The following ANK3 variants were observed in gnomAD, a reference collection of about 807,000 sequenced individuals.
ANK3 encodes the protein ankyrin 3, also known as ankyrin-3.
A neutral mutation model predicts 370.9 loss-of-function variants in ANK3; 57 were observed. That is an observed-to-expected ratio of 0.15 (90% CI 0.12 to 0.19). The LOEUF is 0.19. ANK3 is among the 10% of genes least tolerant of loss of function. ANK3 has a pLI of 1.00. For synonymous variants in ANK3, 1,929 were observed against 1,946.3 expected (o/e 0.99, Z 0.23); for missense variants, 4,439 against 5,302.1 (o/e 0.84, Z 5.06).
chr10:60,251,759 T>C (rs2097669812), intron 7 of ANK3, among the ~76,000 whole-genome samples: 1 of 152,158 alleles, frequency 6.6e-6, no homozygotes, highest in Admixed American at 6.5e-5. Flanking sequence ...CCTTCATATG[T>C]GTCATAATTC....
intron 11 of ANK3, among the ~76,000 whole-genome samples, chr10:60,205,336 TG>T (rs1377756410): frequency 6.6e-6 from 1 of 152,172 alleles, no homozygotes; most frequent in Non-Finnish European, 1.5e-5. Flanking sequence ...GACGACTTTT[TG>T]TTGCGGGAGA....
At chr10:60,492,816 C>T (rs535294607) in intron 2 of ANK3, among the ~76,000 whole-genome samples, 3 of 151,032 alleles carry the variant, frequency 2.0e-5, no homozygotes, top group East Asian at 3.9e-4. Context: ...GTGGCTCACA[C>T]CTGTAATCCC....
chr10:60,329,031 A>G (rs1488895324), intron 1 of ANK3, among the ~76,000 whole-genome samples: 1 of 152,160 alleles, frequency 6.6e-6, no homozygotes. Context: ...AATGACAAAA[A>G]CCACATGATT....
chr10:60,592,861 T>C (rs2077936275), intron 2 of ANK3, among the ~76,000 whole-genome samples: 1 of 152,232 alleles, frequency 6.6e-6, no homozygotes, highest in Admixed American at 6.5e-5. Context: ...TCTGGTAGGC[T>C]CTTTGAGCTG....
At position 60,197,811 on chromosome 10, in the gene ANK3, G is replaced by A. The variant is rs142809179; in HGVS notation, c.1689+529C>T. Among the ~76,000 whole-genome samples, 312 of 152,280 alleles carry A rather than the reference G, an allele frequency of 2.0e-3. 5 individuals are homozygous for A. The highest frequency in any genetic ancestry group is 0.017 in the South Asian group (80 of 4,824). On this transcript the variant is annotated intron_variant, in intron 14 of 43. Transcript: ENST00000280772. ...GCTCCAAATTTTGCATTCTGCACATGCAGAACAACTGTTTATGTTAGGGTA... is the reference window on the plus strand; with the variant it reads ...GCTCCAAATTTTGCATTCTGCACATACAGAACAACTGTTTATGTTAGGGTA...
intron 1 of ANK3, among the ~76,000 whole-genome samples, chr10:60,378,582 A>G (rs981685434): frequency 1.3e-5 from 2 of 152,178 alleles, no homozygotes; most frequent in African/African-American, 4.8e-5. Flanking sequence ...GGTGCAAAGA[A>G]CGCTCATTGG....
At chr10:60,128,495 T>G (rs1220835994) in intron 25 of ANK3, among the ~76,000 whole-genome samples, 2 of 152,070 alleles carry the variant, frequency 1.3e-5, no homozygotes, top group Admixed American at 1.3e-4. Flanking sequence ...TTCTCCTGCC[T>G]CAGCCTCCCG....
rs1302133394 is a variant in ANK3 at position 60,028,866 on chromosome 10, T to G, written c.*980A>C. On this transcript the variant is annotated 3_prime_UTR_variant, in exon 44 of 44. Coordinates refer to ENST00000280772, the MANE Select transcript of ANK3 (RefSeq NM_020987.5). Reference sequence around the variant, plus strand: ...CAACTACCGTATAGGTTATTTTTTTTTGTTGTTTTTAGGTCATTTCATTGA... The same window carrying G: ...CAACTACCGTATAGGTTATTTTTTTGTGTTGTTTTTAGGTCATTTCATTGA... The G allele has an allele frequency of 6.6e-6, 1 of 151,994 alleles. No homozygotes were observed. Among genetic ancestry groups the G allele is most frequent in the African/African-American group, 2.4e-5 (1 of 41,242 alleles). The allele number at this position is 151,994 out of a possible 1,614,324, so 9.4% of individuals were successfully genotyped here.
intron 1 of ANK3, among the ~76,000 whole-genome samples, chr10:60,709,194 T>C (rs544494255): frequency 3.9e-4 from 59 of 152,308 alleles, no homozygotes; most frequent in African/African-American, 1.2e-3. Context: ...TTGGAATTAC[T>C]AGACTGGAAG....
rs149624535 is a variant in ANK3, at chr10:60,440,707, G to A, written c.97-161068C>T. 1.1e-3 allele frequency among the ~76,000 whole-genome samples: 171 copies of A among 152,220 alleles called. 1 individual carries two copies. The highest frequency in any genetic ancestry group is 3.9e-3 in the African/African-American group (161 of 41,538). Reference sequence around the variant, plus strand: ...CACTGACCCAGGATCTTTAGGAGTGGGGAACAGGAATTTGCATCTTTGTCA... The same window carrying A: ...CACTGACCCAGGATCTTTAGGAGTGAGGAACAGGAATTTGCATCTTTGTCA... On this transcript the variant is annotated intron_variant, in intron 2 of 43. Coordinates refer to the ANK3 transcript ENST00000373827.
At chr10:60,067,180 T>G (rs910841493) in intron 38 of ANK3, among the ~76,000 whole-genome samples, 1 of 152,204 alleles carries the variant, frequency 6.6e-6, no homozygotes, top group African/African-American at 2.4e-5. Flanking sequence ...CCCACAGTAC[T>G]GGGATTACAG....
chr10:60,301,772 T>C (rs2043876307), intron 1 of ANK3, among the ~76,000 whole-genome samples: 1 of 152,196 alleles, frequency 6.6e-6, no homozygotes, highest in African/African-American at 2.4e-5. Context: ...GCTTTTCAGA[T>C]ATGCAACACT....
chr10:60,389,697 G>A lies in ANK3; in HGVS notation c.-159C>T. 1 of 1,445,554 alleles carries A rather than the reference G, an allele frequency of 6.9e-7. No homozygotes were observed. The highest frequency in any genetic ancestry group is 9.0e-7 in the Non-Finnish European group (1 of 1,105,460). The allele number at this position is 1,445,554 out of a possible 1,614,324, so 89.5% of individuals were successfully genotyped here. Reference sequence around the variant, plus strand: ...TTCACAATGCAAAGATGCTGGAGAAGCTGAAGCTTTTAAAAACCCAAATGA... The same window carrying A: ...TTCACAATGCAAAGATGCTGGAGAAACTGAAGCTTTTAAAAACCCAAATGA... On this transcript the variant is annotated 5_prime_UTR_variant, in exon 1 of 44. Transcript: ENST00000280772.
At chr10:60,263,706 C>T in intron 6 of ANK3, 129 bp downstream of exon 6, 2 of 1,074,186 alleles carry the variant, frequency 1.9e-6, no homozygotes, top group South Asian at 1.6e-5. Context: ...CTCAGACACA[C>T]ATTGTTCCTC....
intron 5 of ANK3, among the ~76,000 whole-genome samples, chr10:60,264,782 G>A (rs182587265): frequency 3.3e-5 from 5 of 152,096 alleles, no homozygotes; most frequent in East Asian, 1.9e-4. Context: ...CTGTTGCCTC[G>A]CATATTCCTG....
intron 2 of ANK3, among the ~76,000 whole-genome samples, chr10:60,555,037 C>T (rs1179675655): frequency 1.3e-5 from 2 of 151,896 alleles, no homozygotes; most frequent in African/African-American, 4.8e-5. Flanking sequence ...AAAATTCTTA[C>T]AGAAGCAGGC....
chr10:60,667,284 G>C (rs2079010544), intron 1 of ANK3, among the ~76,000 whole-genome samples: 1 of 150,064 alleles, frequency 6.7e-6, no homozygotes, highest in South Asian at 2.1e-4. Flanking sequence ...AGGTTTTAGA[G>C]ATATAAAAGA....
At chr10:60,272,694 G>T (rs2098016716) in intron 4 of ANK3, among the ~76,000 whole-genome samples, 1 of 151,914 alleles carries the variant, frequency 6.6e-6, no homozygotes, top group Admixed American at 6.6e-5. Flanking sequence ...TGGCCAGGAT[G>T]GCCTTGATCT....
At chr10:60,140,834 C>T in intron 23 of ANK3, 3 of 993,054 alleles carry the variant, frequency 3.0e-6, no homozygotes, top group Non-Finnish European at 3.6e-6. Flanking sequence ...GTCGGGTAAC[C>T]AAGACAGCCT....
Sources: gnomAD v4.1 joint callset for allele counts (sites outside exome capture counted in the v4.1 genomes callset) on GRCh38, gnomAD v4.1.1 for gene constraint, MANE v1.5 for transcripts, NCBI Gene and HGNC (gene_info 2026-07-23, HGNC 2026-07-21) for gene names.